The following AAMDC variants were observed in gnomAD, a reference collection of about 807,000 sequenced individuals.
AAMDC encodes mth938 domain-containing protein.
Under a neutral mutation model 15.5 loss-of-function variants are expected in AAMDC, and 16 were observed. That is an observed-to-expected ratio of 1.03 (90% CI 0.70 to 1.57). The LOEUF is 1.57. AAMDC is among the 40% of genes most tolerant of loss of function. AAMDC has a pLI of 0.00. For missense variants in AAMDC, 141 were observed against 144.9 expected (o/e 0.97, Z 0.14); for synonymous variants, 51 against 51.6 (o/e 0.99, Z 0.05).
chr11:77,862,575 G>A (rs1950928752), intron 2 of AAMDC, among the ~76,000 whole-genome samples: 1 of 152,166 alleles, frequency 6.6e-6, no homozygotes, highest in Non-Finnish European at 1.5e-5. Context: ...GGATCGTTTA[G>A]GTTGAAGGGG....
chr11:77,859,781 T>G (rs575590853), intron 2 of AAMDC, among the ~76,000 whole-genome samples: 1 of 152,364 alleles, frequency 6.6e-6, no homozygotes, highest in East Asian at 1.9e-4. Context: ...ATGTTCTATC[T>G]TTTCTTCATT....
At chr11:77,878,972 TTA>T (rs1565217966) in intron 5 of AAMDC, 1 of 1,614,012 alleles carries the variant, frequency 6.2e-7, no homozygotes, top group Middle Eastern at 1.7e-4. Flanking sequence ...GGTTTGGGCA[TTA>T]TATAAACTTT....
downstream of AAMDC, chr11:77,901,512 C>T: frequency 6.2e-7 from 1 of 1,612,154 alleles, no homozygotes; most frequent in Non-Finnish European, 8.5e-7. Flanking sequence ...TTCTCCACAC[C>T]ACTGTACATG....
At chr11:77,841,079 C>A in intron 1 of AAMDC, 1 of 641,796 alleles carries the variant, frequency 1.6e-6, no homozygotes, top group Non-Finnish European at 2.8e-6. Flanking sequence ...CTTCTTGCTG[C>A]ATCATCCTAT....
rs892043290 is a variant in AAMDC, at chr11:77,842,684, T to C, written c.132+56T>C. 1.9e-6 allele frequency: 3 copies of C among 1,596,048 alleles called. No individual in the cohort carries two copies. In the Admixed American group the frequency reaches 5.5e-5, roughly 29 times the overall value. On this transcript the variant is annotated intron_variant, in intron 2 of 3. Coordinates refer to ENST00000393427, the MANE Select transcript of AAMDC (RefSeq NM_024684.4). ...TGAGGCTGACCAAGTGATTTCCAAC[T>C]TCCTAAGCTGCAATGACTAAGTGAA...
At chr11:77,861,791 C>CT (rs1159997731) in intron 2 of AAMDC, among the ~76,000 whole-genome samples, 10 of 152,042 alleles carry the variant, frequency 6.6e-5, no homozygotes, top group Non-Finnish European at 1.0e-4. Flanking sequence ...AAGCGGTGGC[C>CT]TTTTTTTTAT....
intron 2 of AAMDC, among the ~76,000 whole-genome samples, chr11:77,866,246 C>A (rs994297469): frequency 2.6e-5 from 4 of 152,132 alleles, no homozygotes; most frequent in African/African-American, 9.7e-5. Context: ...ATTAGCTGGA[C>A]ATTTTTCCAC....
At chr11:77,862,583 G>A (rs996037965) in intron 2 of AAMDC, among the ~76,000 whole-genome samples, 3 of 152,088 alleles carry the variant, frequency 2.0e-5, no homozygotes, top group African/African-American at 7.2e-5. Context: ...TAGGTTGAAG[G>A]GGTGTCCTTA....
rs1476438618 is a variant in AAMDC, at chr11:77,854,659, G to A, written c.132+12031G>A. Among the ~76,000 whole-genome samples, 3 of 152,310 alleles carry A rather than the reference G, an allele frequency of 2.0e-5. No individual in the cohort carries two copies. The East Asian group carries it at 5.8e-4, about 29-fold the overall frequency. On this transcript the variant is annotated intron_variant, in intron 2 of 3. Coordinates refer to ENST00000393427, the MANE Select transcript of AAMDC (RefSeq NM_024684.4). ...TGTGGCTCTGCAGGGTGCAACCCCT[G>A]TGGCTGCTTTCGTGGGCTGGCATTG...
At chr11:77,827,166 A>AG (rs1949218336) in intron 1 of AAMDC, among the ~76,000 whole-genome samples, 1 of 152,158 alleles carries the variant, frequency 6.6e-6, no homozygotes, top group South Asian at 2.1e-4. Context: ...CCCTCAGAAA[A>AG]GAAAAAAAGC....
chr11:77,838,017 G>A (rs1949763554), intron 1 of AAMDC, among the ~76,000 whole-genome samples: 1 of 152,208 alleles, frequency 6.6e-6, no homozygotes, highest in Non-Finnish European at 1.5e-5. Context: ...AGGTTGCAGT[G>A]AGCTAAGATC....
Position 77,872,243 on chromosome 11 carries a change from G to A in AAMDC, c.297G>A (p.Gln99=). 2 of 1,613,946 alleles carry A rather than the reference G, an allele frequency of 1.2e-6. No individual in the cohort carries two copies. Among genetic ancestry groups the A allele is most frequent in the Non-Finnish European group, 8.5e-7 (1 of 1,179,918 alleles). The stretch of plus-strand genomic sequence containing the variant: ...ATGTGCGGGTCCTCCAGACAGAGCA[G>A]GCAGTGAAGGAGTATAATGCCTTGG... ...GIDVRVLQTE[Q]AVKEYNALVA... The change falls in exon 4 of 4, where the codon CAG becomes CAA. Residue 99 remains glutamine (Q), a synonymous_variant. Transcript: ENST00000393427.
At chr11:77,824,241 T>C (rs1409380301) in intron 1 of AAMDC, among the ~76,000 whole-genome samples, 2 of 152,244 alleles carry the variant, frequency 1.3e-5, no homozygotes, top group Admixed American at 1.3e-4. Context: ...TATGTAGTTA[T>C]ATAAGTGAGT....
chr11:77,859,278 G>A (rs1016823553), intron 2 of AAMDC, among the ~76,000 whole-genome samples: 6 of 152,164 alleles, frequency 3.9e-5, no homozygotes, highest in Admixed American at 1.3e-4. Flanking sequence ...CTGCCTTGCA[G>A]CTCTTTTTGC....
intron 2 of AAMDC, among the ~76,000 whole-genome samples, chr11:77,861,425 G>A (rs1035482340): frequency 7.2e-5 from 11 of 151,924 alleles, no homozygotes; most frequent in South Asian, 2.1e-4. Flanking sequence ...AGAAGGCCGC[G>A]CCAGTGTCCA....
downstream of AAMDC, among the ~76,000 whole-genome samples, chr11:77,873,716 C>T (rs1951519270): frequency 6.6e-6 from 1 of 152,094 alleles, no homozygotes; most frequent in African/African-American, 2.4e-5. Flanking sequence ...TAATTTATCC[C>T]ACTAGGATGG....
chr11:77,847,657 G>C (rs1950199684), intron 2 of AAMDC, among the ~76,000 whole-genome samples: 1 of 152,176 alleles, frequency 6.6e-6, no homozygotes, highest in African/African-American at 2.4e-5. Context: ...GTTGGAAAAT[G>C]GGAAGAATAG....
chr11:77,830,552 CT>C (rs1391524685), intron 1 of AAMDC, among the ~76,000 whole-genome samples: 1 of 148,068 alleles, frequency 6.8e-6, no homozygotes, highest in Non-Finnish European at 1.5e-5. Flanking sequence ...GCTCAGGGCC[CT>C]TGTCCACTAG....
intron 5 of AAMDC, among the ~76,000 whole-genome samples, chr11:77,887,448 A>G (rs2136376595): frequency 6.6e-6 from 1 of 152,296 alleles, no homozygotes; most frequent in Middle Eastern, 3.4e-3. Context: ...ATCTATGACA[A>G]ACCCACAGCC....
Sources: gnomAD v4.1 joint callset for allele counts (sites outside exome capture counted in the v4.1 genomes callset) on GRCh38, gnomAD v4.1.1 for gene constraint, MANE v1.5 for transcripts, NCBI Gene and HGNC (gene_info 2026-07-23, HGNC 2026-07-21) for gene names.